The following ADAMTS19 variants were observed in gnomAD, a reference collection of about 807,000 sequenced individuals.
ADAMTS19 encodes A disintegrin and metalloproteinase with thrombospondin motifs 19.
ADAMTS19 carries 93 observed loss-of-function variants against 153.3 expected under a neutral mutation model. The ratio of observed to expected loss-of-function variants is 0.61; its 90% CI spans 0.51 to 0.72. The LOEUF is 0.72. ADAMTS19 is among the 30% of genes least tolerant of loss of function. ADAMTS19 has a pLI of 0.00. For synonymous variants in ADAMTS19, 600 were observed against 556.6 expected, an observed-to-expected ratio of 1.08 and a Z score of -1.10; for missense variants, 1,482 against 1,552.1, an observed-to-expected ratio of 0.95 and a Z score of 0.76.
chr5:129,626,991 A>T (rs1446633538), intron 10 of ADAMTS19, among the ~76,000 whole-genome samples: 1 of 152,078 alleles, frequency 6.6e-6, no homozygotes, highest in Non-Finnish European at 1.5e-5. Flanking sequence ...CAAGCTATGC[A>T]TTTATCTTGG....
chr5:129,602,053 C>G, intron 8 of ADAMTS19, among the ~76,000 whole-genome samples: 1 of 149,582 alleles, frequency 6.7e-6, no homozygotes, highest in Non-Finnish European at 1.5e-5. Context: ...GATTTTAGAC[C>G]ACTCAAACTT....
intron 3 of ADAMTS19, among the ~76,000 whole-genome samples, chr5:129,524,580 A>G (rs1230979517): frequency 6.6e-6 from 1 of 150,876 alleles, no homozygotes; most frequent in Non-Finnish European, 1.5e-5. Context: ...TAATATCCAG[A>G]ATCTATAAGG....
intron 2 of ADAMTS19, among the ~76,000 whole-genome samples, chr5:129,466,383 T>G (rs187976785): frequency 4.9e-4 from 74 of 151,474 alleles, no homozygotes; most frequent in Non-Finnish European, 5.5e-4. Flanking sequence ...AAGCAAAAAA[T>G]TAATAAATAG....
chr5:129,672,789 G>A (rs577044088), intron 16 of ADAMTS19, among the ~76,000 whole-genome samples: 1 of 147,028 alleles, frequency 6.8e-6, no homozygotes, highest in South Asian at 2.2e-4. Context: ...TAAGTTGGTT[G>A]GCATGTGCAA....
At chr5:129,696,771 G>T in intron 19 of ADAMTS19, among the ~76,000 whole-genome samples, 1 of 152,148 alleles carries the variant, frequency 6.6e-6, no homozygotes, top group East Asian at 1.9e-4. Context: ...TTGGCTATTG[G>T]TTGAGGGTTA....
Position 129,721,443 on chromosome 5 carries a change from C to A in ADAMTS19, c.3313-13489C>A, listed in dbSNP as rs187305565. On this transcript the variant is annotated intron_variant, in intron 21 of 22. Coordinates refer to ENST00000274487, the MANE Select transcript of ADAMTS19 (RefSeq NM_133638.6). ...CTTGAAAAACTTTAATTTCATCAGGCCACAGATTTTCAACAGTACACACTC... is the reference window on the plus strand; with the variant it reads ...CTTGAAAAACTTTAATTTCATCAGGACACAGATTTTCAACAGTACACACTC... Among the ~76,000 whole-genome samples the A allele has an allele frequency of 1.4e-3, 211 of 152,224 alleles. 1 individual carries two copies. The highest frequency in any genetic ancestry group is 4.9e-3 in the African/African-American group (205 of 41,530).
At chr5:129,583,766 C>G (rs575844007) in intron 7 of ADAMTS19, among the ~76,000 whole-genome samples, 9 of 151,922 alleles carry the variant, frequency 5.9e-5, no homozygotes, top group African/African-American at 1.2e-4. Flanking sequence ...TCCATCGCAT[C>G]ATTTCTGTTC....
intron 2 of ADAMTS19, among the ~76,000 whole-genome samples, chr5:129,505,416 G>C (rs571268026): frequency 1.8e-4 from 28 of 152,162 alleles, no homozygotes; most frequent in African/African-American, 6.7e-4. Flanking sequence ...TGTAGGATCT[G>C]TTTATCTATT....
rs776646475 is a variant in ADAMTS19, at chr5:129,704,355, A to C, written c.3276A>C (p.Ser1092=). 6.2e-7 allele frequency: 1 copy of C among 1,614,106 alleles called. No individual in the cohort carries two copies. Among genetic ancestry groups the C allele is most frequent in the Non-Finnish European group, 8.5e-7 (1 of 1,179,972 alleles). ...AGGCTGAAGACTGTGAGGATTATTC[A>C]AAATGCTATGTGTGGCGAATGGGTG... ...PREAEDCEDY[S]KCYVWRMGDW... is the part of the protein sequence containing the mutation. The change falls in exon 21 of 23, where the codon TCA becomes TCC. Residue 1092 remains serine, a synonymous_variant. Coordinates refer to ENST00000274487, the MANE Select transcript of ADAMTS19 (RefSeq NM_133638.6).
intron 21 of ADAMTS19, among the ~76,000 whole-genome samples, chr5:129,705,351 AAT>A (rs1756096171): frequency 6.6e-6 from 1 of 152,184 alleles, no homozygotes; most frequent in Admixed American, 6.5e-5. Context: ...AAATATTTTC[AAT>A]ATAGAAAATA....
At chr5:129,708,009 A>G (rs1036544317) in intron 21 of ADAMTS19, among the ~76,000 whole-genome samples, 22 of 152,192 alleles carry the variant, frequency 1.4e-4, no homozygotes, top group Admixed American at 6.5e-5. Flanking sequence ...GACTGAAAAG[A>G]TGGCTTATGC....
At chr5:129,490,783 G>C (rs962139693) in intron 2 of ADAMTS19, among the ~76,000 whole-genome samples, 5 of 151,994 alleles carry the variant, frequency 3.3e-5, no homozygotes, top group Non-Finnish European at 5.9e-5. Flanking sequence ...AGTTATCTTT[G>C]TAAAACAGGT....
intron 19 of ADAMTS19, among the ~76,000 whole-genome samples, chr5:129,699,758 G>C (rs1755743456): frequency 6.6e-6 from 1 of 152,136 alleles, no homozygotes; most frequent in Admixed American, 6.5e-5. Flanking sequence ...GGTGAAAATA[G>C]AAAGTGTTTG....
chr5:129,470,216 A>G (rs1308351839), intron 2 of ADAMTS19, among the ~76,000 whole-genome samples: 1 of 152,216 alleles, frequency 6.6e-6, no homozygotes. Context: ...AAGAGCCTGA[A>G]AATATGTTTA....
intron 7 of ADAMTS19, among the ~76,000 whole-genome samples, chr5:129,576,861 T>C (rs1379268806): frequency 1.3e-5 from 2 of 152,130 alleles, no homozygotes; most frequent in Non-Finnish European, 2.9e-5. Flanking sequence ...TACACCACAA[T>C]TTTTTATCTT....
At chr5:129,633,024 T>G (rs1752371446) in intron 10 of ADAMTS19, among the ~76,000 whole-genome samples, 1 of 152,050 alleles carries the variant, frequency 6.6e-6, no homozygotes, top group South Asian at 2.1e-4. Flanking sequence ...ACACATTAAT[T>G]TTTTTGATAT....
intron 11 of ADAMTS19, 43 bp from the exon 12 acceptor site, chr5:129,647,722 T>C (rs1753129762): frequency 1.9e-6 from 3 of 1,597,620 alleles, no homozygotes; most frequent in Non-Finnish European, 2.6e-6. Flanking sequence ...TGATTTTCAG[T>C]TGTGCCCTGA....
intron 3 of ADAMTS19, among the ~76,000 whole-genome samples, chr5:129,513,800 T>C (rs1446516113): frequency 6.6e-6 from 1 of 152,082 alleles, no homozygotes; most frequent in African/African-American, 2.4e-5. Context: ...TCTAATTAAA[T>C]TATTTAAGTT....
At chr5:129,735,711 A>G (rs2127229489) in intron 22 of ADAMTS19, among the ~76,000 whole-genome samples, 1 of 152,094 alleles carries the variant, frequency 6.6e-6, no homozygotes, top group Non-Finnish European at 1.5e-5. Context: ...TATATCCTCA[A>G]TTTCTGTTAT....
Sources: allele counts gnomAD v4.1 joint callset (sites outside exome capture counted in the v4.1 genomes callset), GRCh38; gene constraint gnomAD v4.1.1; transcripts MANE v1.5; gene names NCBI Gene and HGNC (gene_info 2026-07-23, HGNC 2026-07-21).